TACC2: variants seen among roughly 807,000 people sequenced by gnomAD.
TACC2 encodes the protein transforming acidic coiled-coil-containing protein 2.
Under a neutral mutation model 227.3 loss-of-function variants are expected in TACC2, and 137 were observed. The ratio of observed to expected loss-of-function variants is 0.60; its 90% CI spans 0.52 to 0.69. TACC2 has a LOEUF of 0.69. Ranked by LOEUF, TACC2 falls within the 30% of genes least tolerant of loss-of-function variation. TACC2 has a pLI of 0.00. For synonymous variants in TACC2, 1,523 were observed against 1,487.5 expected (o/e 1.02, Z -0.55); for missense variants, 3,470 against 3,694.4 (o/e 0.94, Z 1.57).
chr10:122,135,790 C>G (rs1408193048), intron 6 of TACC2, among the ~76,000 whole-genome samples: 5 of 152,256 alleles, frequency 3.3e-5, no homozygotes, highest in Non-Finnish European at 5.9e-5. Flanking sequence ...ACGTTCTCAG[C>G]TAAGATTGAA....
At chr10:122,187,999 G>A (rs1215170170) in intron 7 of TACC2, among the ~76,000 whole-genome samples, 1 of 152,100 alleles carries the variant, frequency 6.6e-6, no homozygotes, top group African/African-American at 2.4e-5. Flanking sequence ...TTTGTGGACT[G>A]CTTGCCCTCC....
chr10:122,216,138 G>A (rs955271687), intron 10 of TACC2, among the ~76,000 whole-genome samples: 1 of 152,176 alleles, frequency 6.6e-6, no homozygotes, highest in Non-Finnish European at 1.5e-5. Context: ...TAGGGGCTCA[G>A]GTCCCAGCTG....
chr10:122,237,908 A>G (rs1387250738), intron 17 of TACC2, 53 bp from the exon 18 acceptor site: 1 of 1,345,626 alleles, frequency 7.4e-7, no homozygotes, highest in Non-Finnish European at 1.1e-6. Context: ...AATTGCTCAG[A>G]GCTGAATTCA....
intron 2 of TACC2, among the ~76,000 whole-genome samples, chr10:122,034,465 G>A (rs986931014): frequency 1.1e-4 from 16 of 152,150 alleles, no homozygotes; most frequent in African/African-American, 3.9e-4. Flanking sequence ...AAGGTTGCTG[G>A]CCAGTCATTT....
At chr10:122,248,422 G>A (rs895227274) in intron 19 of TACC2, 8 of 579,550 alleles carry the variant, frequency 1.4e-5, no homozygotes, top group African/African-American at 3.7e-5. Context: ...TACCTCACGC[G>A]AGGCTGCACA....
At chr10:122,071,729 A>T (rs1236555880) in intron 3 of TACC2, among the ~76,000 whole-genome samples, 1 of 148,646 alleles carries the variant, frequency 6.7e-6, no homozygotes, top group Non-Finnish European at 1.5e-5. Context: ...CAAAAAAAAA[A>T]AAAAAAAGTG....
chr10:122,053,057 C>T (rs190911723), intron 3 of TACC2, among the ~76,000 whole-genome samples: 5 of 152,274 alleles, frequency 3.3e-5, no homozygotes, highest in Admixed American at 3.3e-4. Flanking sequence ...GGTTCTGATC[C>T]TGAGTCCTTA....
In TACC2 at chr10:122,194,761, C is replaced by T. The variant is rs572115701; in HGVS notation, c.5835-279C>T. 6.6e-6 allele frequency among the ~76,000 whole-genome samples: 1 copy of T among 152,312 alleles called. No individual in the cohort carries two copies. Among genetic ancestry groups the T allele is most frequent in the African/African-American group, 2.4e-5 (1 of 41,570 alleles). On this transcript the variant is annotated intron_variant, in intron 7 of 22. Transcript: ENST00000369005. This position sits in a 1 kb window ranked among gnomAD's most constrained non-coding sequence, Gnocchi z 4.4. The stretch of plus-strand genomic sequence containing the variant: ...ATAATGAACGCGTGCGGAAGTTCAT[C>T]CAGAGTCCGCTGTGTGTGTATTTGC...
intron 3 of TACC2, among the ~76,000 whole-genome samples, chr10:122,075,770 CTG>C: frequency 6.6e-6 from 1 of 152,248 alleles, no homozygotes; most frequent in South Asian, 2.1e-4. Context: ...ATACATGAAA[CTG>C]GAGCATTTAT....
chr10:122,229,557 A>C, intron 15 of TACC2, 71 bp downstream of exon 15: 1 of 1,561,596 alleles, frequency 6.4e-7, no homozygotes, highest in Non-Finnish European at 8.7e-7. Flanking sequence ...CCGAGGCCCA[A>C]ATGAAATAAG....
At chr10:122,136,434 G>T (rs1183479822) in intron 6 of TACC2, among the ~76,000 whole-genome samples, 1 of 151,920 alleles carries the variant, frequency 6.6e-6, no homozygotes. Flanking sequence ...GGGGCAGGGG[G>T]CAGGCTGGAA....
intron 1 of TACC2, among the ~76,000 whole-genome samples, chr10:121,999,555 C>G (rs1291647784): frequency 6.6e-6 from 1 of 152,210 alleles, no homozygotes; most frequent in African/African-American, 2.4e-5. Context: ...TTACTGTTTG[C>G]AGGGCCTGGT....
At chr10:122,239,361 C>G (rs946385298) in intron 18 of TACC2, among the ~76,000 whole-genome samples, 3 of 152,216 alleles carry the variant, frequency 2.0e-5, no homozygotes, top group Non-Finnish European at 4.4e-5. Context: ...CCATTTTAAG[C>G]AGAAAAGCGA....
At chr10:122,039,232 T>C (rs9421435) in intron 2 of TACC2, among the ~76,000 whole-genome samples, 23,674 of 152,170 alleles carry the variant, frequency 0.16, 2,491 homozygotes, top group African/African-American at 0.3. Flanking sequence ...CACCTTGGCC[T>C]CCCAAAGTAC....
intron 18 of TACC2, among the ~76,000 whole-genome samples, chr10:122,240,583 C>T (rs762376106): frequency 3.3e-5 from 5 of 152,130 alleles, no homozygotes; most frequent in African/African-American, 7.2e-5. Context: ...GCAGAGCGCC[C>T]GCAGCTTCCA....
chr10:122,066,850 G>T (rs1451642124), intron 3 of TACC2, among the ~76,000 whole-genome samples: 2 of 152,162 alleles, frequency 1.3e-5, no homozygotes, highest in Middle Eastern at 3.4e-3. Context: ...AACTATTTGT[G>T]TTATTTTAGT....
intron 8 of TACC2, among the ~76,000 whole-genome samples, chr10:122,203,262 G>A (rs1177086770): frequency 1.7e-4 from 25 of 143,000 alleles, no homozygotes; most frequent in African/African-American, 4.3e-4. Context: ...CTCACCTCCC[G>A]GACGGGGCGG....
At chr10:122,242,062 C>T (rs758400053) in intron 19 of TACC2, 61 bp downstream of exon 19, 1 of 1,502,338 alleles carries the variant, frequency 6.7e-7, no homozygotes, top group Non-Finnish European at 9.3e-7. Context: ...TATGAGGAGG[C>T]CTTGGAAGAT....
At chr10:122,183,049 C>T (rs2094028418) in intron 7 of TACC2, among the ~76,000 whole-genome samples, 1 of 152,100 alleles carries the variant, frequency 6.6e-6, no homozygotes, top group Non-Finnish European at 1.5e-5. Context: ...ACCAAAAATA[C>T]AAAAAGTTAG....
Sources: gnomAD v4.1 joint callset for allele counts (sites outside exome capture counted in the v4.1 genomes callset) on GRCh38, gnomAD v4.1.1 for gene constraint, Gnocchi (gnomAD v3.1) non-coding constraint, MANE v1.5 for transcripts, NCBI Gene and HGNC (gene_info 2026-07-23, HGNC 2026-07-21) for gene names.